GKAP1: variants seen among roughly 807,000 people sequenced by gnomAD.
GKAP1 encodes G kinase anchoring protein 1, also known as G kinase-anchoring protein 1.
Under a neutral mutation model 56.7 loss-of-function variants are expected in GKAP1, and 31 were observed. That is an observed-to-expected ratio of 0.55 (90% CI 0.41 to 0.74). GKAP1 has a LOEUF of 0.74. GKAP1 is among the 30% of genes least tolerant of loss of function. The pLI is 0.00. For missense variants in GKAP1, 364 were observed against 402.3 expected (o/e 0.90, Z 0.82); for synonymous variants, 151 against 138.6 (o/e 1.09, Z -0.63).
chr9:83,812,359 ATT>A lies in GKAP1; in HGVS notation c.-44+4635_-44+4636del, dbSNP rs1426436116. On this transcript the variant is annotated intron_variant, in intron 2 of 12. Transcript: ENST00000376371. ...TATATATACACGTATATATATATAT[ATT>A]TTTTTTTAGACAGGGTCTTACTCAC... 7.1e-3 allele frequency among the ~76,000 whole-genome samples: 1,043 copies of A among 146,666 alleles called. 23 individuals carry two copies. Among genetic ancestry groups the A allele is most frequent in the East Asian group, 0.037 (186 of 5,080 alleles).
chr9:83,816,752 G>C (rs1229628468), intron 2 of GKAP1, among the ~76,000 whole-genome samples: 1 of 152,150 alleles, frequency 6.6e-6, no homozygotes, highest in South Asian at 2.1e-4. Context: ...GAAAGCACTT[G>C]CATCTACTCT....
intron 4 of GKAP1, among the ~76,000 whole-genome samples, chr9:83,791,023 A>G (rs972383773): frequency 6.6e-6 from 1 of 152,200 alleles, no homozygotes; most frequent in Non-Finnish European, 1.5e-5. Context: ...AAGTCTTGTT[A>G]GATGTCATTT....
chr9:83,776,301 T>C (rs1943861218), intron 7 of GKAP1, among the ~76,000 whole-genome samples: 2 of 152,166 alleles, frequency 1.3e-5, no homozygotes, highest in Admixed American at 6.5e-5. Flanking sequence ...AGAAAATAGG[T>C]TGAATCTTTA....
intron 8 of GKAP1, among the ~76,000 whole-genome samples, chr9:83,760,086 T>C (rs1943543711): frequency 1.3e-5 from 2 of 152,284 alleles, no homozygotes; most frequent in South Asian, 2.1e-4. Flanking sequence ...AATTCTATTG[T>C]CTTTATAGAA....
chr9:83,779,630 C>A (rs898994409), intron 7 of GKAP1, among the ~76,000 whole-genome samples: 1 of 147,362 alleles, frequency 6.8e-6, no homozygotes, highest in Non-Finnish European at 1.5e-5. Flanking sequence ...CACACACACA[C>A]ACACACACAC....
chr9:83,747,273 A>G (rs1238144948), intron 10 of GKAP1, among the ~76,000 whole-genome samples: 2 of 152,202 alleles, frequency 1.3e-5, no homozygotes, highest in African/African-American at 4.8e-5. Flanking sequence ...AGGCTTTTGT[A>G]TATCAGCTTT....
In GKAP1 at chr9:83,791,269, G is replaced by A. The variant is rs530544872; in HGVS notation, c.361-2591C>T. 3.9e-5 allele frequency among the ~76,000 whole-genome samples: 6 copies of A among 152,232 alleles called. No homozygotes were observed. In the East Asian group the frequency reaches 1.2e-3, roughly 29 times the overall value. ...TACAAAAAAATTAGCCGGACGTGGT[G>A]GCGGGTGCCTGTAGTCCCAGCTACT... On this transcript the variant is annotated intron_variant, in intron 4 of 12. Transcript: ENST00000376371.
chr9:83,769,424 ACTAAT>A (rs1943719666), intron 7 of GKAP1, among the ~76,000 whole-genome samples: 1 of 152,164 alleles, frequency 6.6e-6, no homozygotes, highest in African/African-American at 2.4e-5. Context: ...CCCAGGCAAC[ACTAAT>A]CTATTTACTG....
At chr9:83,803,942 G>A (rs1325667698) in intron 3 of GKAP1, among the ~76,000 whole-genome samples, 4 of 146,612 alleles carry the variant, frequency 2.7e-5, no homozygotes, top group Admixed American at 2.0e-4. Flanking sequence ...CTGCCCGGCC[G>A]CGACCCCGTC....
chr9:83,776,888 TCC>T (rs1233563942), intron 7 of GKAP1, among the ~76,000 whole-genome samples: 10 of 151,374 alleles, frequency 6.6e-5, no homozygotes, highest in African/African-American at 2.4e-4. Flanking sequence ...AAATTATTTG[TCC>T]ACGCTCATAA....
rs914713882 is a variant in GKAP1, at chr9:83,739,763, A to T, written c.1054-19T>A. On this transcript the variant is annotated intron_variant, in intron 12 of 12. Coordinates refer to ENST00000376371, the MANE Select transcript of GKAP1 (RefSeq NM_025211.4). ...TGCCACCCTGTAAAAAAAAAAAAAA[A>T]TAGGGAAAATTATTTACAACATACC... 5 of 1,556,574 alleles carry T rather than the reference A, an allele frequency of 3.2e-6. No homozygotes were observed. The highest frequency in any genetic ancestry group is 1.7e-4 in the Middle Eastern group (1 of 5,942).
chr9:83,770,059 T>G (rs1486502032), intron 7 of GKAP1, among the ~76,000 whole-genome samples: 2 of 152,164 alleles, frequency 1.3e-5, no homozygotes, highest in Non-Finnish European at 1.5e-5. Flanking sequence ...GGGTTACTTG[T>G]TTTTTTGAGT....
intron 8 of GKAP1, among the ~76,000 whole-genome samples, chr9:83,763,501 C>G (rs930397556): frequency 6.6e-6 from 1 of 152,052 alleles, no homozygotes; most frequent in Non-Finnish European, 1.5e-5. Context: ...GCATTGCATG[C>G]CTGTATCAAA....
intron 5 of GKAP1, among the ~76,000 whole-genome samples, chr9:83,787,451 T>C (rs1944084735): frequency 1.3e-5 from 2 of 152,172 alleles, no homozygotes; most frequent in Non-Finnish European, 2.9e-5. Context: ...TAACCCAAGC[T>C]AGTCTCAAAC....
At chr9:83,801,230 A>T (rs1284239977) in intron 3 of GKAP1, among the ~76,000 whole-genome samples, 1 of 152,206 alleles carries the variant, frequency 6.6e-6, no homozygotes, top group Non-Finnish European at 1.5e-5. Flanking sequence ...AGCCAAAGGA[A>T]TGCCATGGAT....
chr9:83,806,166 C>A (rs546881373), intron 3 of GKAP1, 136 bp downstream of exon 3: 27 of 618,924 alleles, frequency 4.4e-5, no homozygotes, highest in Non-Finnish European at 5.6e-5. Flanking sequence ...CACAAATTCA[C>A]ATCCATTCAT....
At chr9:83,812,218 TACAC>T (rs200000633) in intron 2 of GKAP1, among the ~76,000 whole-genome samples, 5 of 147,996 alleles carry the variant, frequency 3.4e-5, no homozygotes, top group East Asian at 2.0e-4. Flanking sequence ...CATACATACA[TACAC>T]ACACACATGT....
At chr9:83,782,140 C>T (rs933003227) in intron 6 of GKAP1, among the ~76,000 whole-genome samples, 1 of 151,834 alleles carries the variant, frequency 6.6e-6, no homozygotes, top group Non-Finnish European at 1.5e-5. Context: ...CTGTGCCCAG[C>T]CACTTCTTTC....
intron 8 of GKAP1, among the ~76,000 whole-genome samples, chr9:83,764,724 T>C (rs887656141): frequency 2.6e-5 from 4 of 152,154 alleles, no homozygotes; most frequent in African/African-American, 9.7e-5. Context: ...TGTTGGGAAC[T>C]GGAAAGGTCA....
Sources: gnomAD v4.1 joint callset for allele counts (sites outside exome capture counted in the v4.1 genomes callset) on GRCh38, gnomAD v4.1.1 for gene constraint, MANE v1.5 for transcripts, NCBI Gene and HGNC (gene_info 2026-07-23, HGNC 2026-07-21) for gene names.